Variants in TSPAN11 observed in about 807,000 individuals in gnomAD.
TSPAN11 encodes the protein tetraspanin 11.
TSPAN11 carries 29 observed loss-of-function variants against 32.9 expected under a neutral mutation model. The ratio of observed to expected loss-of-function variants is 0.88; its 90% CI spans 0.66 to 1.20. The LOEUF is 1.20. Among genes scored for constraint, TSPAN11 ranks in the 50% most tolerant of loss-of-function variants. The pLI is 0.00. For synonymous variants in TSPAN11, 140 were observed against 141.3 expected (o/e 0.99, Z 0.07); for missense variants, 283 against 329.1 (o/e 0.86, Z 1.08).
intron 3 of TSPAN11, among the ~76,000 whole-genome samples, chr12:30,965,125 C>G (rs574251201): frequency 6.6e-6 from 1 of 152,250 alleles, no homozygotes; most frequent in Non-Finnish European, 1.5e-5. Context: ...AGGCATGTAG[C>G]GCAGCCCGGG....
At chr12:30,939,477 G>C (rs1183762222) in intron 1 of TSPAN11, among the ~76,000 whole-genome samples, 1 of 152,278 alleles carries the variant, frequency 6.6e-6, no homozygotes, top group East Asian at 1.9e-4. Flanking sequence ...ACAGGATGAC[G>C]CGCCTTCCTC....
the TSPAN11 span, chr12:31,015,322 C>G: frequency 6.6e-6 from 1 of 152,318 alleles, no homozygotes; most frequent in African/African-American, 2.4e-5. The surrounding 1 kb of genome is among the most constrained non-coding windows in gnomAD (Gnocchi z 4.9). Context: ...TGGAGCCCGT[C>G]CTGCACACCG....
At chr12:31,007,500 G>A in the TSPAN11 span, among the ~76,000 whole-genome samples, 1 of 151,870 alleles carries the variant, frequency 6.6e-6, no homozygotes, top group Non-Finnish European at 1.5e-5. Flanking sequence ...CATATCCCCT[G>A]GCTATTTTGG....
At chr12:31,010,078 A>G in the TSPAN11 span, among the ~76,000 whole-genome samples, 3 of 152,174 alleles carry the variant, frequency 2.0e-5, no homozygotes, top group Non-Finnish European at 4.4e-5. Context: ...GAGTGGCCCC[A>G]CTTCTCTCAG....
intron 7 of TSPAN11, 121 bp downstream of exon 7, chr12:30,983,271 C>T (rs1939133321): frequency 2.1e-6 from 2 of 930,808 alleles, no homozygotes; most frequent in South Asian, 3.3e-5. Context: ...CGCACCCTAC[C>T]CTGCTCTCTT....
intron 5 of TSPAN11, among the ~76,000 whole-genome samples, chr12:30,980,281 T>A (rs1259462824): frequency 6.6e-6 from 1 of 152,202 alleles, no homozygotes; most frequent in African/African-American, 2.4e-5. Context: ...GCTGTCCTGT[T>A]CAATACGGTA....
intron 1 of TSPAN11, among the ~76,000 whole-genome samples, chr12:30,940,451 A>C (rs1160210887): frequency 6.6e-6 from 1 of 152,064 alleles, no homozygotes; most frequent in African/African-American, 2.4e-5. Context: ...GGGATTGTTG[A>C]CCCTGGGATG....
chr12:31,015,998 G>C, the TSPAN11 span, among the ~76,000 whole-genome samples: 1 of 152,134 alleles, frequency 6.6e-6, no homozygotes, highest in Admixed American at 6.6e-5. This position sits in a 1 kb window ranked among gnomAD's most constrained non-coding sequence, Gnocchi z 4.9. Flanking sequence ...GGCCCACTTA[G>C]TTCCTACCTG....
At chr12:31,016,049 G>A in the TSPAN11 span, among the ~76,000 whole-genome samples, 2 of 152,210 alleles carry the variant, frequency 1.3e-5, no homozygotes, top group African/African-American at 4.8e-5. Flanking sequence ...TGGTGAGGCA[G>A]GAGGATAACC....
At chr12:30,979,519 G>T (rs760781727) in intron 4 of TSPAN11, 47 bp from the exon 5 acceptor site, 2 of 1,580,504 alleles carry the variant, frequency 1.3e-6, no homozygotes, top group Non-Finnish European at 1.7e-6. Flanking sequence ...CCAGGGCAGG[G>T]GTGGGGCTGG....
intron 7 of TSPAN11, among the ~76,000 whole-genome samples, chr12:30,991,444 C>G (rs1939309982): frequency 1.3e-5 from 2 of 152,172 alleles, no homozygotes; most frequent in African/African-American, 4.8e-5. Context: ...AAACATTACT[C>G]TTAGGGCCTA....
At chr12:30,969,567 A>T (rs927210489) in intron 3 of TSPAN11, among the ~76,000 whole-genome samples, 1 of 152,176 alleles carries the variant, frequency 6.6e-6, no homozygotes, top group Non-Finnish European at 1.5e-5. Context: ...AGAGACTCAT[A>T]GGGTTTGTGT....
At position 30,983,023 on chromosome 12, in the gene TSPAN11, G is replaced by T. The variant is rs1015875641; in HGVS notation, c.616-41G>T. ...CCGCCCTCCGTCCCCACCCATGCCT[G>T]CTCCTGGGCCATGGCCGCATCACCT... On this transcript the variant is annotated intron_variant, in intron 6 of 7. Transcript: ENST00000546076. The T allele has an allele frequency of 6.9e-6, 11 of 1,591,404 alleles. No homozygotes were observed. The Admixed American group carries it at 1.5e-4, about 22-fold the overall frequency.
chr12:30,929,961 C>T (rs1005645051), intron 1 of TSPAN11, among the ~76,000 whole-genome samples: 5 of 152,156 alleles, frequency 3.3e-5, no homozygotes, highest in Non-Finnish European at 2.9e-5. Context: ...CATTAATGAC[C>T]GTGCCCATGA....
At chr12:31,005,097 G>A in the TSPAN11 span, among the ~76,000 whole-genome samples, 2 of 152,192 alleles carry the variant, frequency 1.3e-5, no homozygotes, top group Non-Finnish European at 2.9e-5. Context: ...TCCTGACTGA[G>A]ACTGAATGGG....
the TSPAN11 span, among the ~76,000 whole-genome samples, chr12:31,011,122 T>G: frequency 6.6e-6 from 1 of 152,172 alleles, no homozygotes; most frequent in South Asian, 2.1e-4. Context: ...CCAGGTGCAT[T>G]GTGGCTCATG....
At chr12:30,976,294 A>G (rs1261591210) in intron 3 of TSPAN11, among the ~76,000 whole-genome samples, 1 of 152,016 alleles carries the variant, frequency 6.6e-6, no homozygotes, top group African/African-American at 2.4e-5. Flanking sequence ...CCTTGTCCCT[A>G]AACTTTGCGT....
intron 3 of TSPAN11, among the ~76,000 whole-genome samples, chr12:30,966,048 G>C (rs1025078656): frequency 4.7e-5 from 7 of 149,666 alleles, no homozygotes; most frequent in Admixed American, 1.3e-4. Flanking sequence ...CTGATCAGCT[G>C]TCGTTACTGT....
intron 3 of TSPAN11, among the ~76,000 whole-genome samples, chr12:30,973,193 A>G (rs1938888859): frequency 6.6e-6 from 1 of 152,108 alleles, no homozygotes; most frequent in African/African-American, 2.4e-5. Flanking sequence ...CGTACTTGCT[A>G]TGTGACCTTC....
Sources: allele counts gnomAD v4.1 joint callset (sites outside exome capture counted in the v4.1 genomes callset), GRCh38; gene constraint gnomAD v4.1.1; non-coding constraint Gnocchi (gnomAD v3.1); transcripts MANE v1.5; gene names NCBI Gene and HGNC (gene_info 2026-07-23, HGNC 2026-07-21).